Variants in MMP12 observed in about 807,000 individuals in gnomAD.
MMP12 encodes the protein matrix metallopeptidase 12.
MMP12 carries 51 observed loss-of-function variants against 45.2 expected under a neutral mutation model. The observed-to-expected ratio is 1.13, with a 90% confidence interval of 0.90 to 1.42. The LOEUF (loss-of-function observed/expected upper bound fraction) is 1.42, where lower values mean the gene tolerates loss of function less well. Ranked by LOEUF, MMP12 falls within the 40% of genes most tolerant of loss-of-function variation. The pLI is 0.00. For missense variants in MMP12, 530 were observed against 570.8 expected (o/e 0.93, Z 0.73); for synonymous variants, 210 against 193.3 (o/e 1.09, Z -0.72).
intron 1 of MMP12, among the ~76,000 whole-genome samples, chr11:102,873,336 A>G (rs1469632751): frequency 1.3e-5 from 2 of 152,196 alleles, no homozygotes; most frequent in African/African-American, 4.8e-5. Flanking sequence ...GCAGTAGCTC[A>G]GGCCTGTAAT....
intron 1 of MMP12, 39 bp downstream of exon 1, chr11:102,874,797 A>G: frequency 7.7e-7 from 1 of 1,304,206 alleles, no homozygotes; most frequent in Admixed American, 2.0e-5. Context: ...CTTAAAGACA[A>G]ACATCAAGCT....
Position 102,867,388 on chromosome 11 carries a change from GGTCT to G in MMP12, c.789_792del (p.Asp264GlnfsTer22), listed in dbSNP as rs1859410936. 1.2e-6 allele frequency: 2 copies of G among 1,604,928 alleles called. No individual in the cohort carries two copies. Among genetic ancestry groups the G allele is most frequent in the Non-Finnish European group, 1.7e-6 (2 of 1,176,938 alleles). On this transcript the variant is annotated frameshift_variant and splice_region_variant, in exon 6 of 10. Transcript: ENST00000571244. LOFTEE classifies it high-confidence loss of function. ...TTTGGCAAGCGTTGGTTCTCTTTTG[GGTCT>G]CCTGAAAATACATTTCGAGAAGCAT...
At chr11:102,873,564 C>T (rs1859540273) in intron 1 of MMP12, among the ~76,000 whole-genome samples, 1 of 152,060 alleles carries the variant, frequency 6.6e-6, no homozygotes, top group African/African-American at 2.4e-5. Context: ...TGTACCACTG[C>T]ACTCCAGCCT....
At chr11:102,870,545 T>G (rs1859474604) in intron 4 of MMP12, among the ~76,000 whole-genome samples, 1 of 152,198 alleles carries the variant, frequency 6.6e-6, no homozygotes, top group Non-Finnish European at 1.5e-5. Context: ...TCATTTACTT[T>G]CCACATGAGG....
At chr11:102,870,249 A>C (rs1859468123) in intron 4 of MMP12, among the ~76,000 whole-genome samples, 1 of 152,254 alleles carries the variant, frequency 6.6e-6, no homozygotes, top group South Asian at 2.1e-4. Context: ...TTTTAGATGA[A>C]GGAATTACAA....
chr11:102,867,548 T>G (rs1167794075), intron 5 of MMP12, among the ~76,000 whole-genome samples, 155 bp from the exon 6 acceptor site: 4 of 152,026 alleles, frequency 2.6e-5, no homozygotes, highest in African/African-American at 9.7e-5. Flanking sequence ...TAAAGTAAGG[T>G]TTTTTTTCCA....
At chr11:102,872,007 T>C (rs556532973) in intron 2 of MMP12, 55 bp from the exon 3 acceptor site, 1 of 1,492,592 alleles carries the variant, frequency 6.7e-7, no homozygotes, top group African/African-American at 1.4e-5. Context: ...TATTTTGTCT[T>C]ACCACAATAC....
At chr11:102,869,644 C>T (rs1859456239) in intron 4 of MMP12, among the ~76,000 whole-genome samples, 1 of 151,942 alleles carries the variant, frequency 6.6e-6, no homozygotes, top group African/African-American at 2.4e-5. Context: ...GATGCGGTGA[C>T]TCACACCTAT....
intron 2 of MMP12, among the ~76,000 whole-genome samples, chr11:102,872,488 G>A (rs781789894): frequency 1.7e-4 from 26 of 152,068 alleles, no homozygotes; most frequent in Admixed American, 2.0e-4. Context: ...CTACAGGTGC[G>A]CGCCACCACG....
At chr11:102,863,334 C>T (rs1418054161) in intron 9 of MMP12, 134 bp from the exon 10 acceptor site, 5 of 524,164 alleles carry the variant, frequency 9.5e-6, no homozygotes, top group East Asian at 6.7e-5. Flanking sequence ...CCCTTAACTA[C>T]ACACTTTGAG....
chr11:102,867,332 G>T lies in MMP12; in HGVS notation c.849C>A (p.Asp283Glu). Residue 283 changes from aspartate to glutamate, a missense_variant, in exon 6 of 10, where the codon GAC (aspartate) becomes GAA (glutamate). Asp to Glu is a conservative substitution (Grantham distance 45). Coordinates refer to ENST00000571244, the MANE Select transcript of MMP12 (RefSeq NM_002426.6). ...NPDNSEPALCDPNLSFDAVTT... is the reference protein window; with the variant it reads ...NPDNSEPALCEPNLSFDAVTT... Reference sequence around the variant, plus strand: ...TGACAGCATCAAAACTCAAATTGGGGTCACAGAGAGCTGGTTCTGAATTGT... The same window carrying T: ...TGACAGCATCAAAACTCAAATTGGGTTCACAGAGAGCTGGTTCTGAATTGT... 1 of 1,610,982 alleles carries T rather than the reference G, an allele frequency of 6.2e-7. No homozygotes were observed. The highest frequency in any genetic ancestry group is 8.5e-7 in the Non-Finnish European group (1 of 1,178,478).
intron 9 of MMP12, among the ~76,000 whole-genome samples, chr11:102,863,690 T>C (rs1859332799): frequency 6.6e-6 from 1 of 152,080 alleles, no homozygotes; most frequent in Admixed American, 6.5e-5. Flanking sequence ...AGACATACGA[T>C]ACAAACTCAA....
In MMP12 at chr11:102,867,906, AC is replaced by A; in HGVS notation, c.787+1del. ...GGCAAAATGATAAAGAATTCAACTC[AC>A]CATACAGGGACTGAATGCCACGTAT... On this transcript the variant is annotated splice_donor_variant, in intron 5 of 9. Transcript: ENST00000571244. LOFTEE classifies it high-confidence loss of function. 6.2e-7 allele frequency: 1 copy of A among 1,607,176 alleles called. No individual in the cohort carries two copies. Among genetic ancestry groups the A allele is most frequent in the Non-Finnish European group, 8.5e-7 (1 of 1,176,760 alleles).
Position 102,865,834 on chromosome 11 carries a change from C to A in MMP12, c.1147G>T (p.Ala383Ser), listed in dbSNP as rs782430400. 1.2e-6 allele frequency: 2 copies of A among 1,612,782 alleles called. No individual in the cohort carries two copies. The highest frequency in any genetic ancestry group is 1.3e-5 in the African/African-American group (1 of 74,898). ...FPNFVKKIDA[A>S]VFNPRFYRTY... Reference sequence around the variant, plus strand: ...CTATAAAAACGTGGGTTAAAAACAGCTGCATCAATTTTTTTCACAAAGTTA... The same window carrying A: ...CTATAAAAACGTGGGTTAAAAACAGATGCATCAATTTTTTTCACAAAGTTA... The change falls in exon 8 of 10, where the codon GCT (alanine) becomes TCT (serine). Residue 383 changes from alanine (A) to serine (S), a missense_variant. By Grantham distance (99) the Ala-to-Ser change is moderately conservative. Coordinates refer to ENST00000571244, the MANE Select transcript of MMP12 (RefSeq NM_002426.6). The surrounding 1 kb of genome is among the most constrained non-coding windows in gnomAD (Gnocchi z 4.1).
At chr11:102,866,029 C>A (rs1227231677) in intron 7 of MMP12, 94 bp from the exon 8 acceptor site, 1 of 1,027,672 alleles carries the variant, frequency 9.7e-7, no homozygotes, top group Non-Finnish European at 1.4e-6. Flanking sequence ...TCCTTTCCAA[C>A]AGTTATAATA....
Position 102,864,220 on chromosome 11 carries a change from C to T in MMP12, c.1238G>A (p.Gly413Asp), listed in dbSNP as rs955899550. Residue 413 changes from glycine to aspartate, a missense_variant, in exon 9 of 10, where the codon GGT becomes GAT. Gly to Asp is a moderately conservative substitution (Grantham distance 94). Transcript: ENST00000571244. ...YDERRQMMDP[G>D]YPKLITKNFQ... ...GTTCTTGGTAATCAGTTTGGGATAA[C>T]CAGGGTCCATCATCTGTCTCCTTTC... is the stretch of plus-strand genomic sequence containing the variant. 2 of 1,613,710 alleles carry T rather than the reference C, an allele frequency of 1.2e-6. No homozygotes were observed. Among genetic ancestry groups the T allele is most frequent in the Non-Finnish European group, 1.7e-6 (2 of 1,179,760 alleles).
At chr11:102,867,163 C>T in intron 6 of MMP12, 107 bp downstream of exon 6, 1 of 1,058,270 alleles carries the variant, frequency 9.4e-7, no homozygotes, top group South Asian at 1.9e-5. Flanking sequence ...CAAGTTCCTG[C>T]TTACAAGTTT....
chr11:102,867,380 C>G lies in MMP12; in HGVS notation c.801G>C (p.Glu267Asp). 6.2e-7 allele frequency: 1 copy of G among 1,608,530 alleles called. No homozygotes were observed. Among genetic ancestry groups the G allele is most frequent in the Non-Finnish European group, 8.5e-7 (1 of 1,178,088 alleles). Residue 267 changes from glutamate to aspartate, a missense_variant, in exon 6 of 10, where the codon GAG (glutamate) becomes GAC (aspartate). By Grantham distance (45) the Glu-to-Asp change is conservative. Coordinates refer to ENST00000571244, the MANE Select transcript of MMP12 (RefSeq NM_002426.6). Reference sequence around the variant, plus strand: ...TGTCAGGATTTGGCAAGCGTTGGTTCTCTTTTGGGTCTCCTGAAAATACAT... The same window carrying G: ...TGTCAGGATTTGGCAAGCGTTGGTTGTCTTTTGGGTCTCCTGAAAATACAT... ...GIQSLYGDPK[E>D]NQRLPNPDNS...
intron 4 of MMP12, 88 bp from the exon 5 acceptor site, chr11:102,868,157 T>C (rs1353063298): frequency 1.7e-6 from 2 of 1,160,338 alleles, no homozygotes; most frequent in African/African-American, 1.6e-5. Context: ...AAAAGAAAGA[T>C]TTGAGAATCT....
Sources: allele counts gnomAD v4.1 joint callset (sites outside exome capture counted in the v4.1 genomes callset), GRCh38; gene constraint gnomAD v4.1.1; non-coding constraint Gnocchi (gnomAD v3.1); transcripts MANE v1.5; gene names NCBI Gene and HGNC (gene_info 2026-07-23, HGNC 2026-07-21).